AUTS2: variants seen among roughly 807,000 people sequenced by gnomAD.
The protein encoded by AUTS2 is autism susceptibility gene 2 protein.
AUTS2 carries 17 observed loss-of-function variants against 112.4 expected under a neutral mutation model. The ratio of observed to expected loss-of-function variants is 0.15; its 90% CI spans 0.10 to 0.23. The LOEUF (loss-of-function observed/expected upper bound fraction) is 0.23, where lower values mean the gene tolerates loss of function less well. Among genes scored for constraint, AUTS2 ranks in the 10% least tolerant of loss-of-function variants. The pLI, the probability that AUTS2 is intolerant of heterozygous loss-of-function variation, is 1.00. For synonymous variants in AUTS2, 751 were observed against 702.7 expected, an observed-to-expected ratio of 1.07 and a Z score of -1.09; for missense variants, 1,510 against 1,701.6, an observed-to-expected ratio of 0.89 and a Z score of 1.98.
At chr7:70,548,924 A>T (rs1198241468) in intron 5 of AUTS2, among the ~76,000 whole-genome samples, 2 of 126,580 alleles carry the variant, frequency 1.6e-5, no homozygotes, top group Admixed American at 7.8e-5. Context: ...GTCAATTTCT[A>T]CCCCCCCCCC....
At chr7:69,953,927 C>A (rs1322493398) in intron 2 of AUTS2, among the ~76,000 whole-genome samples, 1 of 152,122 alleles carries the variant, frequency 6.6e-6, no homozygotes. Context: ...ATATACCTCA[C>A]AGCTGAGCAG....
At chr7:70,112,912 T>C (rs1179058116) in intron 2 of AUTS2, among the ~76,000 whole-genome samples, 4 of 152,118 alleles carry the variant, frequency 2.6e-5, no homozygotes, top group Non-Finnish European at 5.9e-5. Flanking sequence ...TTGCCACTTT[T>C]CTTATTTTCT....
At chr7:70,040,977 G>A (rs1435912579) in intron 2 of AUTS2, among the ~76,000 whole-genome samples, 2 of 152,056 alleles carry the variant, frequency 1.3e-5, no homozygotes, top group Non-Finnish European at 2.9e-5. Context: ...AGTTTACATG[G>A]GATTTCTTTA....
intron 2 of AUTS2, among the ~76,000 whole-genome samples, chr7:69,973,423 C>T (rs1797935718): frequency 6.6e-6 from 1 of 152,098 alleles, no homozygotes; most frequent in African/African-American, 2.4e-5. Context: ...TTTTAAATTT[C>T]CTTTTCTTGG....
At chr7:69,903,167 G>T (rs1449599329) in intron 2 of AUTS2, among the ~76,000 whole-genome samples, 1 of 152,130 alleles carries the variant, frequency 6.6e-6, no homozygotes, top group East Asian at 1.9e-4. Context: ...AAAAGAGGTT[G>T]CACATGGCCT....
intron 4 of AUTS2, among the ~76,000 whole-genome samples, chr7:70,160,312 T>A (rs1031969369): frequency 1.3e-5 from 2 of 152,174 alleles, no homozygotes; most frequent in Non-Finnish European, 2.9e-5. Context: ...AGCTAGGATT[T>A]TGATCACCTT....
chr7:70,700,622 G>A (rs887662337), intron 6 of AUTS2, among the ~76,000 whole-genome samples: 2 of 152,010 alleles, frequency 1.3e-5, no homozygotes, highest in African/African-American at 4.8e-5. Context: ...GAGGGGGAAA[G>A]CATCGGGGAC....
intron 4 of AUTS2, among the ~76,000 whole-genome samples, chr7:70,415,968 C>A (rs1794971486): frequency 6.6e-6 from 1 of 152,160 alleles, no homozygotes. Flanking sequence ...TTCCTTGAAC[C>A]CTACGTGTGA....
At chr7:70,052,374 T>C (rs1335688317) in intron 2 of AUTS2, among the ~76,000 whole-genome samples, 3 of 152,176 alleles carry the variant, frequency 2.0e-5, no homozygotes, top group African/African-American at 7.2e-5. Flanking sequence ...TGTATCTCTT[T>C]TACCCTGTTT....
chr7:69,725,144 A>G (rs1340178349), intron 1 of AUTS2, among the ~76,000 whole-genome samples: 1 of 152,162 alleles, frequency 6.6e-6, no homozygotes, highest in South Asian at 2.1e-4. Flanking sequence ...TTTGTTCTCT[A>G]TTATAGTTGA....
chr7:69,871,210 A>G (rs1793481061), intron 1 of AUTS2, among the ~76,000 whole-genome samples: 1 of 152,218 alleles, frequency 6.6e-6, no homozygotes, highest in Admixed American at 6.5e-5. Context: ...AATATGTGTA[A>G]GAAAAGGTAT....
At chr7:69,677,425 A>G (rs1055996876) in intron 1 of AUTS2, among the ~76,000 whole-genome samples, 8 of 152,194 alleles carry the variant, frequency 5.3e-5, no homozygotes, top group East Asian at 1.9e-4. Context: ...TTGTAAAACT[A>G]TAGTGCTTAA....
At chr7:70,017,252 C>T (rs909225640) in intron 2 of AUTS2, among the ~76,000 whole-genome samples, 1 of 152,144 alleles carries the variant, frequency 6.6e-6, no homozygotes, top group Admixed American at 6.5e-5. Flanking sequence ...TTGATTTCCC[C>T]ATAATACATC....
intron 1 of AUTS2, among the ~76,000 whole-genome samples, chr7:69,836,462 T>A (rs1028609238): frequency 2.6e-5 from 4 of 152,202 alleles, no homozygotes; most frequent in African/African-American, 9.7e-5. Flanking sequence ...GTAAGTTGAA[T>A]TATTTAAAGT....
intron 2 of AUTS2, among the ~76,000 whole-genome samples, chr7:70,061,798 T>C (rs1802258866): frequency 6.7e-6 from 1 of 150,320 alleles, no homozygotes; most frequent in Non-Finnish European, 1.5e-5. Flanking sequence ...TTTTTTTTGC[T>C]CCCCCGGAGA....
chr7:69,716,424 A>G (rs1798614168), intron 1 of AUTS2, among the ~76,000 whole-genome samples: 1 of 152,116 alleles, frequency 6.6e-6, no homozygotes, highest in African/African-American at 2.4e-5. Flanking sequence ...GAAATTTTCG[A>G]TAGGGAAAAG....
rs569650761 is a variant in AUTS2 at position 70,752,051 on chromosome 7, G to A, written c.743-10819G>A. Among the ~76,000 whole-genome samples, 8 of 134,958 alleles carry A rather than the reference G, an allele frequency of 5.9e-5. No homozygotes were observed. The South Asian group carries it at 1.6e-3, about 28-fold the overall frequency. 88.5% of individuals were successfully genotyped at this position (134,958 alleles called of 152,430 possible). A position where few individuals can be genotyped will look rare whatever the true frequency, so the allele number is the denominator to read the frequency against. On this transcript the variant is annotated intron_variant, in intron 6 of 18. Coordinates refer to ENST00000342771, the MANE Select transcript of AUTS2 (RefSeq NM_015570.4). Reference sequence around the variant, plus strand: ...GCATACACTGGTTTTAAGGGTGGCTGTGCTTGGGCTGTGTATGTGCGTAGT... The same window carrying A: ...GCATACACTGGTTTTAAGGGTGGCTATGCTTGGGCTGTGTATGTGCGTAGT...
chr7:70,113,662 GC>G (rs1805205649), intron 2 of AUTS2, among the ~76,000 whole-genome samples: 1 of 152,170 alleles, frequency 6.6e-6, no homozygotes, highest in Non-Finnish European at 1.5e-5. Flanking sequence ...CTTCTACATT[GC>G]CTGCATAATT....
chr7:70,256,516 A>G (rs368965604), intron 4 of AUTS2, among the ~76,000 whole-genome samples: 1 of 152,158 alleles, frequency 6.6e-6, no homozygotes, highest in Non-Finnish European at 1.5e-5. Flanking sequence ...AACCTATTGC[A>G]TCTGTTCTGT....
Sources: allele counts gnomAD v4.1 joint callset (sites outside exome capture counted in the v4.1 genomes callset), GRCh38; gene constraint gnomAD v4.1.1; transcripts MANE v1.5; gene names NCBI Gene and HGNC (gene_info 2026-07-23, HGNC 2026-07-21).